Variants in ERC1 observed in about 807,000 individuals in gnomAD.
The protein encoded by ERC1 is RAB6 interacting protein 2.
A neutral mutation model predicts 132.0 loss-of-function variants in ERC1; 56 were observed. That is an observed-to-expected ratio of 0.42 (90% CI 0.34 to 0.53). ERC1 has a LOEUF of 0.53. Among genes scored for constraint, ERC1 ranks in the 20% least tolerant of loss-of-function variants. ERC1 has a pLI of 0.03. For synonymous variants in ERC1, 478 were observed against 476.1 expected, an observed-to-expected ratio of 1.00 and a Z score of -0.05; for missense variants, 1,202 against 1,349.9, an observed-to-expected ratio of 0.89 and a Z score of 1.72.
chr12:1,061,989 C>CTTT lies in ERC1; in HGVS notation c.670-21158_670-21156dup, dbSNP rs896825718. ...TTGTGTTTTTTTTTCTTCTTTTCTT[C>CTTT]TTTTTTTTTTTTTTTTTTTGAGACG... On this transcript the variant is annotated intron_variant, in intron 2 of 18. Coordinates refer to ENST00000360905, the MANE Select transcript of ERC1 (RefSeq NM_178040.4). Among the ~76,000 whole-genome samples the CTTT allele has an allele frequency of 7.4e-4, 87 of 117,372 alleles. 1 individual carries two copies. Among genetic ancestry groups the CTTT allele is most frequent in the Non-Finnish European group, 9.0e-4 (52 of 57,736 alleles). The allele number at this position is 117,372 out of a possible 152,430, so 77.0% of individuals were successfully genotyped here. A position where few individuals can be genotyped will look rare whatever the true frequency, so the allele number is the denominator to read the frequency against.
intron 18 of ERC1, among the ~76,000 whole-genome samples, chr12:1,452,425 A>G (rs1272365805): frequency 6.6e-6 from 1 of 152,006 alleles, no homozygotes; most frequent in East Asian, 1.9e-4. Flanking sequence ...TTTTCTGTAT[A>G]TCTATCTTGT....
intron 18 of ERC1, among the ~76,000 whole-genome samples, chr12:1,475,296 CTATT>C (rs1198421508): frequency 7.9e-5 from 12 of 152,310 alleles, no homozygotes; most frequent in Non-Finnish European, 4.4e-5. Context: ...GAATTAATAT[CTATT>C]CCTTTATTTC....
chr12:1,405,291 C>T (rs1035917065), intron 16 of ERC1, among the ~76,000 whole-genome samples: 2 of 128,716 alleles, frequency 1.6e-5, no homozygotes, highest in East Asian at 2.2e-4. Context: ...ATTTATTAAT[C>T]GGTTTTTTTT....
chr12:1,356,622 C>A (rs147553673), intron 15 of ERC1, among the ~76,000 whole-genome samples: 79 of 152,296 alleles, frequency 5.2e-4, no homozygotes, highest in Non-Finnish European at 8.8e-4. Flanking sequence ...CGCTTCCCAT[C>A]TTTTTATGTC....
intron 12 of ERC1, among the ~76,000 whole-genome samples, chr12:1,221,472 T>C (rs1156661678): frequency 6.6e-6 from 1 of 152,160 alleles, no homozygotes; most frequent in African/African-American, 2.4e-5. Context: ...GTTGAATTGA[T>C]CATTTAAAGT....
chr12:1,279,186 G>A (rs2078491148), intron 14 of ERC1, among the ~76,000 whole-genome samples: 1 of 151,998 alleles, frequency 6.6e-6, no homozygotes, highest in South Asian at 2.1e-4. Context: ...TAGAAATCGA[G>A]TTGACAGAAG....
chr12:1,138,304 G>GATATATATTATATAAAATATA (rs1949546263), intron 7 of ERC1, among the ~76,000 whole-genome samples: 1 of 118,406 alleles, frequency 8.4e-6, no homozygotes, highest in African/African-American at 4.7e-5. Context: ...TATAATATAT[G>GATATATATTATATAAAATATA]TTGTATATAA....
chr12:1,351,307 T>G lies in ERC1; in HGVS notation c.2781-20526T>G, dbSNP rs543663297. 7.2e-5 allele frequency among the ~76,000 whole-genome samples: 11 copies of G among 152,350 alleles called. 1 individual carries two copies. The South Asian group carries it at 2.3e-3, about 32-fold the overall frequency. Reference sequence around the variant, plus strand: ...GTGTTGCCCATGTTTTTCAAATAATTTCTATGTTTTGAGTAAATACTAAGG... The same window carrying G: ...GTGTTGCCCATGTTTTTCAAATAATGTCTATGTTTTGAGTAAATACTAAGG... On this transcript the variant is annotated intron_variant, in intron 15 of 18. Coordinates refer to ENST00000360905, the MANE Select transcript of ERC1 (RefSeq NM_178040.4).
intron 18 of ERC1, among the ~76,000 whole-genome samples, chr12:1,458,564 C>T (rs1436485227): frequency 7.0e-5 from 9 of 129,230 alleles, no homozygotes; most frequent in South Asian, 2.4e-4. Context: ...GATGGAGTTT[C>T]GCTCTTGTTG....
chr12:1,201,462 C>G (rs1185651020), intron 12 of ERC1, among the ~76,000 whole-genome samples: 1 of 151,970 alleles, frequency 6.6e-6, no homozygotes, highest in East Asian at 1.9e-4. Context: ...GTGTAGTAAC[C>G]AAGTGAATGT....
At chr12:1,171,407 A>G (rs1345964121) in intron 8 of ERC1, among the ~76,000 whole-genome samples, 1 of 48,050 alleles carries the variant, frequency 2.1e-5, no homozygotes, top group South Asian at 5.3e-4. Context: ...CCTTGTTTGT[A>G]CATTTTGTCC....
At chr12:1,451,046 TTAGA>T (rs567745869) in intron 18 of ERC1, among the ~76,000 whole-genome samples, 48 of 152,368 alleles carry the variant, frequency 3.2e-4, no homozygotes, top group African/African-American at 9.4e-4. Flanking sequence ...CTCTACATAG[TTAGA>T]TAGTTATCCC....
intron 2 of ERC1, among the ~76,000 whole-genome samples, chr12:1,077,224 AT>A (rs948043500): frequency 6.4e-4 from 97 of 152,080 alleles, no homozygotes; most frequent in Non-Finnish European, 1.1e-3. Context: ...CGTGTCCATA[AT>A]TTTTTTTCTC....
At chr12:1,446,115 G>A (rs1173586365) in intron 18 of ERC1, among the ~76,000 whole-genome samples, 1 of 152,178 alleles carries the variant, frequency 6.6e-6, no homozygotes, top group East Asian at 1.9e-4. Context: ...TCCATCTATA[G>A]TACTCCCTAG....
At chr12:1,154,288 T>TAC (rs140742527) in intron 8 of ERC1, among the ~76,000 whole-genome samples, 3 of 148,538 alleles carry the variant, frequency 2.0e-5, no homozygotes, top group African/African-American at 7.5e-5. Flanking sequence ...CATGTATATA[T>TAC]ACACACACAC....
intron 16 of ERC1, among the ~76,000 whole-genome samples, chr12:1,394,360 A>C (rs1325779616): frequency 6.6e-6 from 1 of 152,216 alleles, no homozygotes; most frequent in Non-Finnish European, 1.5e-5. Context: ...AGATTGCGCC[A>C]CTGCACTCTA....
At chr12:1,106,711 A>G (rs1324422288) in intron 4 of ERC1, among the ~76,000 whole-genome samples, 1 of 152,126 alleles carries the variant, frequency 6.6e-6, no homozygotes, top group Non-Finnish European at 1.5e-5. Context: ...TTGTTGTGTT[A>G]TTTCCTGATC....
intron 1 of ERC1, among the ~76,000 whole-genome samples, chr12:1,020,999 G>C (rs1288323497): frequency 6.6e-6 from 1 of 152,172 alleles, no homozygotes; most frequent in East Asian, 1.9e-4. Context: ...GAGTGCAGTG[G>C]CGCAGTCTGG....
chr12:1,121,661 CTCTATCTCTATCTCTA>C (rs1163723859), intron 7 of ERC1, among the ~76,000 whole-genome samples: 716 of 17,250 alleles, frequency 0.042, 83 homozygotes, highest in East Asian at 0.17. Context: ...CTATCTCTAT[CTCTATCTCTATCTCTA>C]TCTATCTCTA....
Sources: allele counts gnomAD v4.1 joint callset (sites outside exome capture counted in the v4.1 genomes callset), GRCh38; gene constraint gnomAD v4.1.1; transcripts MANE v1.5; gene names NCBI Gene and HGNC (gene_info 2026-07-23, HGNC 2026-07-21).